The following SOS2 variants were observed in gnomAD, a reference collection of about 807,000 sequenced individuals.
SOS2 encodes son of sevenless homolog 2.
Under a neutral mutation model 148.2 loss-of-function variants are expected in SOS2, and 65 were observed. The ratio of observed to expected loss-of-function variants is 0.44; its 90% confidence interval spans 0.36 to 0.54. The LOEUF is 0.54. Ranked by LOEUF, SOS2 falls within the 20% of genes least tolerant of loss-of-function variation. The pLI is 0.00. For synonymous variants in SOS2, 539 were observed against 537.1 expected, an observed-to-expected ratio of 1.00 and a Z score of -0.05; for missense variants, 1,341 against 1,590.2, an observed-to-expected ratio of 0.84 and a Z score of 2.67.
At chr14:50,213,502 C>G (rs1280499047) in intron 1 of SOS2, among the ~76,000 whole-genome samples, 1 of 152,022 alleles carries the variant, frequency 6.6e-6, no homozygotes, top group African/African-American at 2.4e-5. Flanking sequence ...GAGTTCAAGA[C>G]CAGCCTGGCC....
Position 50,214,826 on chromosome 14 carries a change from GTTTC to G in SOS2, c.88-10421_88-10418del, listed in dbSNP as rs1371001640. On this transcript the variant is annotated intron_variant, in intron 1 of 22. Transcript: ENST00000216373. ...AGGCCCCCCTCCCTGAGGCAAGGTT[GTTTC>G]TTTCTTTCTTTTTTTTTTTTTTTGA... Among the ~76,000 whole-genome samples the G allele has an allele frequency of 5.0e-3, 739 of 147,596 alleles. 8 individuals are homozygous for G. Among genetic ancestry groups the G allele is most frequent in the African/African-American group, 0.017 (692 of 40,154 alleles).
At chr14:50,207,136 G>T (rs1007486761) in intron 1 of SOS2, among the ~76,000 whole-genome samples, 4 of 152,162 alleles carry the variant, frequency 2.6e-5, no homozygotes, top group African/African-American at 9.7e-5. Flanking sequence ...CGAACATTTA[G>T]AAAATTTTTT....
intron 12 of SOS2, 130 bp from the exon 13 acceptor site, chr14:50,153,303 A>G: frequency 4.0e-6 from 2 of 501,830 alleles, no homozygotes; most frequent in Middle Eastern, 7.5e-4. Context: ...TCTAATCTGT[A>G]TTTAATTAAT....
chr14:50,193,693 C>T (rs981142409), intron 4 of SOS2, among the ~76,000 whole-genome samples: 1 of 151,962 alleles, frequency 6.6e-6, no homozygotes, highest in East Asian at 1.9e-4. Context: ...GATCATACCA[C>T]ATCATACAAT....
Position 50,189,570 on chromosome 14 carries a change from G to A in SOS2, c.511-870C>T, listed in dbSNP as rs115874332. ...TGGTAGTTCCTTGCCATATTATAAG[G>A]ATGACAGTACATATTTGAGTAGGGT... On this transcript the variant is annotated intron_variant, in intron 4 of 22. Transcript: ENST00000216373. Among the ~76,000 whole-genome samples, 656 of 152,146 alleles carry A rather than the reference G, an allele frequency of 4.3e-3. 4 individuals are homozygous for A. The highest frequency in any genetic ancestry group is 0.015 in the African/African-American group (619 of 41,520).
intron 13 of SOS2, among the ~76,000 whole-genome samples, chr14:50,150,462 T>A (rs1385359368): frequency 6.6e-5 from 10 of 152,172 alleles, no homozygotes; most frequent in African/African-American, 2.2e-4. Flanking sequence ...TTTAAAGTAA[T>A]AACCACAACA....
chr14:50,228,843 T>TCC (rs1887457954), intron 1 of SOS2, among the ~76,000 whole-genome samples: 1 of 152,216 alleles, frequency 6.6e-6, no homozygotes, highest in Non-Finnish European at 1.5e-5. Flanking sequence ...CCGCATCATG[T>TCC]CAAGTATGTA....
intron 1 of SOS2, among the ~76,000 whole-genome samples, chr14:50,218,524 C>T (rs578190616): frequency 4.7e-5 from 7 of 150,444 alleles, no homozygotes; most frequent in Non-Finnish European, 8.9e-5. Flanking sequence ...CTCCATCCCC[C>T]CAAAAAAAAA....
In SOS2 at chr14:50,200,966, T is replaced by C; in HGVS notation, c.332A>G (p.His111Arg). ...NPLLLPVDKIHPSLKEVLGYK... is the reference protein window; with the variant it reads ...NPLLLPVDKIRPSLKEVLGYK... ...ATCTTTTGTTACCTTCAACGAAGGATGGATTTTGTCCACAGGCAGTAAAAG... is the reference window on the plus strand; with the variant it reads ...ATCTTTTGTTACCTTCAACGAAGGACGGATTTTGTCCACAGGCAGTAAAAG... Residue 111 changes from histidine (H) to arginine (R), a missense_variant, in exon 3 of 23, where the codon CAT becomes CGT. His to Arg is a conservative substitution (Grantham distance 29). Transcript: ENST00000216373. The C allele has an allele frequency of 5.0e-6, 8 of 1,613,888 alleles. No individual in the cohort carries two copies. Among genetic ancestry groups the C allele is most frequent in the Non-Finnish European group, 6.8e-6 (8 of 1,179,876 alleles).
intron 8 of SOS2, among the ~76,000 whole-genome samples, chr14:50,165,560 T>C (rs1437399875): frequency 1.3e-5 from 2 of 152,256 alleles, no homozygotes; most frequent in African/African-American, 2.4e-5. Context: ...ATTGATCTCA[T>C]AGTACTACCT....
intron 1 of SOS2, among the ~76,000 whole-genome samples, chr14:50,217,300 T>C (rs960396436): frequency 6.6e-6 from 1 of 152,110 alleles, no homozygotes; most frequent in African/African-American, 2.4e-5. Context: ...TCACACCATA[T>C]ATAAAATGAT....
intron 2 of SOS2, among the ~76,000 whole-genome samples, chr14:50,203,340 C>A (rs1371409899): frequency 1.3e-5 from 2 of 151,994 alleles, no homozygotes; most frequent in Non-Finnish European, 2.9e-5. Flanking sequence ...TGTACCCCAG[C>A]CCGGGCGACA....
chr14:50,187,809 C>T (rs567416250), intron 5 of SOS2, among the ~76,000 whole-genome samples: 3 of 151,602 alleles, frequency 2.0e-5, no homozygotes, highest in Non-Finnish European at 2.9e-5. Context: ...TTTTTTTAAC[C>T]CCATGGTATT....
At chr14:50,186,311 C>G (rs1255097120) in intron 5 of SOS2, among the ~76,000 whole-genome samples, 1 of 151,952 alleles carries the variant, frequency 6.6e-6, no homozygotes, top group Non-Finnish European at 1.5e-5. Flanking sequence ...AAAAGAGACC[C>G]ATAAAAATTA....
intron 1 of SOS2, among the ~76,000 whole-genome samples, chr14:50,221,004 T>A (rs1319237210): frequency 6.6e-6 from 1 of 152,192 alleles, no homozygotes; most frequent in Admixed American, 6.5e-5. Flanking sequence ...TTAAGACTCA[T>A]ATTCTATCAC....
intron 1 of SOS2, chr14:50,215,392 G>C (rs1223786327): frequency 7.8e-7 from 1 of 1,282,328 alleles, no homozygotes; most frequent in African/African-American, 1.5e-5. Context: ...GCTGTAACAG[G>C]ACATCAAGAG....
At chr14:50,199,965 C>T (rs1886433855) in intron 3 of SOS2, 110 bp from the exon 4 acceptor site, 4 of 655,420 alleles carry the variant, frequency 6.1e-6, no homozygotes, top group South Asian at 2.0e-5. Context: ...CTATTAACTA[C>T]ATGTCTAAAT....
intron 16 of SOS2, among the ~76,000 whole-genome samples, chr14:50,141,187 G>A (rs1480758553): frequency 1.9e-5 from 2 of 106,446 alleles, no homozygotes; most frequent in East Asian, 3.1e-4. Flanking sequence ...CTGGGTGACA[G>A]AGCGAGACTC....
At chr14:50,196,002 G>C (rs139188806) in intron 4 of SOS2, among the ~76,000 whole-genome samples, 3,147 of 152,186 alleles carry the variant, frequency 0.021, 71 homozygotes, top group Non-Finnish European at 0.026. Context: ...ACTCCAACCT[G>C]GGCGACAGAG....
Sources: allele counts gnomAD v4.1 joint callset (sites outside exome capture counted in the v4.1 genomes callset), GRCh38; gene constraint gnomAD v4.1.1; transcripts MANE v1.5; gene names NCBI Gene and HGNC (gene_info 2026-07-23, HGNC 2026-07-21).